ZNF267: variants seen among roughly 807,000 people sequenced by gnomAD.
ZNF267 encodes zinc finger protein 267, also known as zinc finger (C2H2).
Under a neutral mutation model 71.6 loss-of-function variants are expected in ZNF267, and 61 were observed. The observed-to-expected ratio is 0.85, with a 90% CI of 0.69 to 1.05. The LOEUF is 1.05. Ranked by LOEUF, ZNF267 falls within the 50% of genes least tolerant of loss-of-function variation. The pLI is 0.00. For missense variants in ZNF267, 852 were observed against 870.0 expected (o/e 0.98, Z 0.26); for synonymous variants, 288 against 293.2 (o/e 0.98, Z 0.18).
At position 31,885,313 on chromosome 16, in the gene ZNF267, G is replaced by A. The variant is rs141428434; in HGVS notation, c.226+57G>A. 6.8e-4 allele frequency: 1,013 copies of A among 1,480,276 alleles called. 4 individuals are homozygous for A. In the African/African-American group the frequency reaches 0.013, roughly 18 times the overall value. 91.7% of individuals were successfully genotyped at this position (1,480,276 alleles called of 1,614,324 possible). ...GGCGAGAGGTCCAGAAGTCAAGAAA[G>A]AACCAGACCTTGAAGTGTGGATTGG... On this transcript the variant is annotated intron_variant, in intron 3 of 3. Transcript: ENST00000300870.
chr16:31,878,971 T>C (rs1337510657), intron 1 of ZNF267, among the ~76,000 whole-genome samples: 3 of 152,232 alleles, frequency 2.0e-5, no homozygotes, highest in Non-Finnish European at 4.4e-5. Flanking sequence ...GCATTTACTT[T>C]GGAAAACTTT....
rs2084184711 is a variant in ZNF267, at chr16:31,917,094, T to G, written c.*613T>G. On this transcript the variant is annotated 3_prime_UTR_variant, in exon 4 of 4. Coordinates refer to ENST00000300870, the MANE Select transcript of ZNF267 (RefSeq NM_003414.6). The stretch of plus-strand genomic sequence containing the variant: ...AAATATTATTTATATAATTCAGCTT[T>G]CAAATCTGTTGCTGCTTTTCCTTAA... 1 of 152,314 alleles carries G rather than the reference T, an allele frequency of 6.6e-6. No homozygotes were observed. Among genetic ancestry groups the G allele is most frequent in the African/African-American group, 2.4e-5 (1 of 41,452 alleles). 9.4% of individuals were successfully genotyped at this position (152,314 alleles called of 1,614,324 possible). A position where few individuals can be genotyped will look rare whatever the true frequency, so the allele number is the denominator to read the frequency against.
intron 3 of ZNF267, among the ~76,000 whole-genome samples, chr16:31,903,875 TG>T (rs1412740615): frequency 1.3e-5 from 2 of 152,204 alleles, no homozygotes; most frequent in African/African-American, 4.8e-5. Context: ...TTAATTGTGA[TG>T]TTAGGGTGTC....
intron 3 of ZNF267, among the ~76,000 whole-genome samples, chr16:31,907,073 T>C (rs1367425475): frequency 1.3e-5 from 2 of 152,190 alleles, no homozygotes; most frequent in South Asian, 2.1e-4. Context: ...CATCTGTTGA[T>C]CATTTTATAA....
chr16:31,885,213 G>T lies in ZNF267; in HGVS notation c.183G>T (p.Glu61Asp). 1 of 1,610,218 alleles carries T rather than the reference G, an allele frequency of 6.2e-7. No homozygotes were observed. The highest frequency in any genetic ancestry group is 8.5e-7 in the Non-Finnish European group (1 of 1,178,386). ...DLITFLEQRK[E>D]PWNVKSEETV... Reference sequence around the variant, plus strand: ...TCACCTTTTTGGAACAAAGGAAAGAGCCTTGGAATGTGAAGAGTGAGGAGA... The same window carrying T: ...TCACCTTTTTGGAACAAAGGAAAGATCCTTGGAATGTGAAGAGTGAGGAGA... Residue 61 changes from glutamate to aspartate, a missense_variant, in exon 3 of 4, where the codon GAG becomes GAT. Physicochemically the swap from Glu to Asp is conservative, Grantham distance 45. Transcript: ENST00000300870.
chr16:31,889,320 G>A (rs2083944949), intron 3 of ZNF267, among the ~76,000 whole-genome samples: 2 of 150,644 alleles, frequency 1.3e-5, no homozygotes, highest in Admixed American at 6.6e-5. Flanking sequence ...GGATTATTTT[G>A]TTCTTCTTGA....
chr16:31,887,245 G>T, intron 3 of ZNF267, among the ~76,000 whole-genome samples: 1 of 147,668 alleles, frequency 6.8e-6, no homozygotes. Context: ...ATTTTTGTCA[G>T]ATTTACTTTT....
intron 3 of ZNF267, among the ~76,000 whole-genome samples, chr16:31,892,394 G>C (rs2083966355): frequency 6.6e-6 from 1 of 152,032 alleles, no homozygotes; most frequent in Non-Finnish European, 1.5e-5. Context: ...ATTTGGGTGG[G>C]GACACAGCCA....
intron 3 of ZNF267, among the ~76,000 whole-genome samples, chr16:31,889,479 A>C (rs1257183412): frequency 6.6e-6 from 1 of 152,150 alleles, no homozygotes; most frequent in Non-Finnish European, 1.5e-5. Context: ...TTTCATTTGT[A>C]TCAAGACAAT....
intron 3 of ZNF267, chr16:31,912,115 T>C (rs1001253359): frequency 6.6e-6 from 1 of 151,666 alleles, no homozygotes; most frequent in African/African-American, 2.4e-5. Context: ...TAATACTCAG[T>C]TTTTCTCTGT....
In ZNF267 at chr16:31,916,356, C is replaced by T; in HGVS notation, c.2107C>T (p.Leu703Phe). 1 of 1,613,956 alleles carries T rather than the reference C, an allele frequency of 6.2e-7. No homozygotes were observed. Among genetic ancestry groups the T allele is most frequent in the South Asian group, 1.1e-5 (1 of 91,070 alleles). The change falls in exon 4 of 4, where the codon CTC becomes TTC. Residue 703 changes from leucine to phenylalanine, a missense_variant. Physicochemically the swap from Leu to Phe is conservative, Grantham distance 22. Coordinates refer to ENST00000300870, the MANE Select transcript of ZNF267 (RefSeq NM_003414.6). ...TAAAGCCTTCAGCTATAGGTCATAC[C>T]TCACTACACATCGGAGAAGTCATAG... ...CGKAFSYRSY[L>F]TTHRRSHSGE...
chr16:31,902,714 G>T (rs2084051926), intron 3 of ZNF267, among the ~76,000 whole-genome samples: 1 of 151,946 alleles, frequency 6.6e-6, no homozygotes, highest in Non-Finnish European at 1.5e-5. Context: ...GGGTTTTCTA[G>T]ATATACAGTC....
chr16:31,880,848 G>A (rs1307581577), intron 1 of ZNF267, among the ~76,000 whole-genome samples: 1 of 152,152 alleles, frequency 6.6e-6, no homozygotes, highest in Admixed American at 6.5e-5. Context: ...CATTTCATAT[G>A]GCCACTAGGA....
In ZNF267 at chr16:31,879,005, T is replaced by G. The variant is rs149795461; in HGVS notation, c.3+5036T>G. ...TTCATATGTAAATTATTTTTCTGTT[T>G]TACAACCTGTCTAAATCACTCTTAA... On this transcript the variant is annotated intron_variant, in intron 1 of 3. Coordinates refer to ENST00000300870, the MANE Select transcript of ZNF267 (RefSeq NM_003414.6). Among the ~76,000 whole-genome samples the G allele has an allele frequency of 5.3e-5, 8 of 152,372 alleles. No homozygotes were observed. In the East Asian group the frequency reaches 1.3e-3, roughly 26 times the overall value.
At chr16:31,891,661 C>T (rs1355208989) in intron 3 of ZNF267, among the ~76,000 whole-genome samples, 1 of 152,180 alleles carries the variant, frequency 6.6e-6, no homozygotes, top group African/African-American at 2.4e-5. Context: ...TGCACAGGCT[C>T]TCTTCTCTTG....
intron 3 of ZNF267, among the ~76,000 whole-genome samples, chr16:31,906,975 T>G (rs1320000840): frequency 6.6e-6 from 1 of 152,082 alleles, no homozygotes; most frequent in Non-Finnish European, 1.5e-5. Context: ...TGGGCAGATG[T>G]AGTGTTCATA....
Position 31,916,168 on chromosome 16 carries a change from C to T in ZNF267, c.1919C>T (p.Ala640Val). 6.2e-7 allele frequency: 1 copy of T among 1,614,158 alleles called. No homozygotes were observed. The highest frequency in any genetic ancestry group is 2.2e-5 in the East Asian group (1 of 44,868). ...TACAAATGTGAAGAATGTGGCAAAG[C>T]CTTCAACTATAGGTCATACCTCACT... ...RPYKCEECGKAFNYRSYLTTH... is the reference protein window; with the variant it reads ...RPYKCEECGKVFNYRSYLTTH... Residue 640 changes from alanine (A) to valine (V), a missense_variant, in exon 4 of 4, where the codon GCC becomes GTC. Physicochemically the swap from Ala to Val is moderately conservative, Grantham distance 64. Coordinates refer to ENST00000300870, the MANE Select transcript of ZNF267 (RefSeq NM_003414.6).
intron 3 of ZNF267, among the ~76,000 whole-genome samples, chr16:31,885,894 T>C (rs1221963330): frequency 1.3e-5 from 2 of 152,172 alleles, no homozygotes; most frequent in African/African-American, 4.8e-5. Context: ...AGGCACAAAT[T>C]CCACAAATGT....
intron 3 of ZNF267, among the ~76,000 whole-genome samples, chr16:31,886,192 AAC>A (rs941008042): frequency 1.3e-5 from 2 of 152,340 alleles, no homozygotes; most frequent in Admixed American, 1.3e-4. Context: ...TGTAATGACT[AAC>A]ACAGCAAAGT....
Sources: gnomAD v4.1 joint callset for allele counts (sites outside exome capture counted in the v4.1 genomes callset) on GRCh38, gnomAD v4.1.1 for gene constraint, MANE v1.5 for transcripts, NCBI Gene and HGNC (gene_info 2026-07-23, HGNC 2026-07-21) for gene names.